The following MMP26 variants were observed in gnomAD, a reference collection of about 807,000 sequenced individuals.
MMP26 encodes the protein matrix metalloproteinase-26.
MMP26 carries 33 observed loss-of-function variants against 31.0 expected under a neutral mutation model. The observed-to-expected ratio is 1.06, with a 90% CI of 0.81 to 1.42. The LOEUF is 1.42. Ranked by LOEUF, MMP26 falls within the 40% of genes most tolerant of loss-of-function variation. The probability of loss-of-function intolerance (pLI) is 0.00; values close to 1 mark genes in which losing one functional copy is unlikely to be tolerated. For synonymous variants in MMP26, 122 were observed against 114.9 expected, an observed-to-expected ratio of 1.06 and a Z score of -0.40; for missense variants, 347 against 316.1, an observed-to-expected ratio of 1.10 and a Z score of -0.74.
At chr11:4,856,305 G>A (rs1306373154) in intron 2 of MMP26, among the ~76,000 whole-genome samples, 3 of 152,194 alleles carry the variant, frequency 2.0e-5, no homozygotes, top group African/African-American at 7.2e-5. Flanking sequence ...AGACCCATCA[G>A]TGTGCTGTAT....
intron 2 of MMP26, among the ~76,000 whole-genome samples, chr11:4,767,617 AAAG>A (rs1269839233): frequency 2.0e-5 from 3 of 152,230 alleles, no homozygotes; most frequent in Non-Finnish European, 4.4e-5. Flanking sequence ...TAAATATTTA[AAAG>A]AATTTTTACC....
intron 2 of MMP26, among the ~76,000 whole-genome samples, chr11:4,778,685 A>G (rs188574116): frequency 7.9e-5 from 12 of 152,190 alleles, no homozygotes; most frequent in Admixed American, 2.0e-4. Context: ...TTACATATAT[A>G]TGCCATTTTT....
intron 1 of MMP26, among the ~76,000 whole-genome samples, chr11:4,731,672 T>A (rs780542468): frequency 6.6e-6 from 1 of 152,276 alleles, no homozygotes; most frequent in Non-Finnish European, 1.5e-5. Context: ...TTTAATGTTC[T>A]ATTACTTAAT....
At chr11:4,911,360 T>C (rs1398009955) in intron 2 of MMP26, among the ~76,000 whole-genome samples, 1 of 152,204 alleles carries the variant, frequency 6.6e-6, no homozygotes. Context: ...AGTTGCAAAA[T>C]GTGCCAGACA....
intron 2 of MMP26, among the ~76,000 whole-genome samples, chr11:4,910,245 TC>T (rs911773049): frequency 1.3e-4 from 20 of 152,180 alleles, no homozygotes; most frequent in Admixed American, 1.1e-3. Flanking sequence ...CATTGCATCT[TC>T]CTGTGACTTT....
At chr11:4,723,707 G>A in intron 1 of MMP26, 1 of 1,010,824 alleles carries the variant, frequency 9.9e-7, no homozygotes, top group South Asian at 1.3e-5. Flanking sequence ...AGCTTCTCCT[G>A]GCCCAGAGTG....
intron 2 of MMP26, among the ~76,000 whole-genome samples, chr11:4,905,288 C>A (rs1356667754): frequency 6.6e-6 from 1 of 152,128 alleles, no homozygotes; most frequent in South Asian, 2.1e-4. Context: ...ATTAATGAGT[C>A]ATGCTCAAAC....
intron 2 of MMP26, chr11:4,795,318 T>C (rs12284164): frequency 0.37 from 56,155 of 151,922 alleles, 11,471 homozygotes; most frequent in African/African-American, 0.52. Flanking sequence ...GGGCTTTAGA[T>C]CCCAATGGTG....
intron 2 of MMP26, among the ~76,000 whole-genome samples, chr11:4,956,087 C>A (rs973124805): frequency 6.6e-6 from 1 of 152,082 alleles, no homozygotes; most frequent in African/African-American, 2.4e-5. Context: ...TTCTTTCTTT[C>A]AGATGTATGT....
At chr11:4,781,372 C>A (rs1415123527) in intron 2 of MMP26, among the ~76,000 whole-genome samples, 1 of 71,946 alleles carries the variant, frequency 1.4e-5, no homozygotes, top group Non-Finnish European at 2.7e-5. Context: ...AAGGTGAAAC[C>A]CCGTCTCTAC....
chr11:4,864,809 A>G (rs1048685983), intron 2 of MMP26, among the ~76,000 whole-genome samples: 5 of 152,156 alleles, frequency 3.3e-5, no homozygotes, highest in Non-Finnish European at 2.9e-5. Context: ...TGCCACCACT[A>G]GAATCAATTT....
intron 2 of MMP26, chr11:4,914,324 G>A (rs1851038908): frequency 6.0e-6 from 1 of 166,886 alleles, no homozygotes; most frequent in Non-Finnish European, 1.3e-5. Context: ...AAACAGTGGT[G>A]GAATGGAGGT....
At chr11:4,863,353 A>G (rs1850190550) in intron 2 of MMP26, among the ~76,000 whole-genome samples, 3 of 151,468 alleles carry the variant, frequency 2.0e-5, no homozygotes, top group Admixed American at 1.3e-4. Context: ...TTCCATCTTT[A>G]TTTTATGCCT....
At chr11:4,896,679 T>C (rs1188731789) in intron 2 of MMP26, among the ~76,000 whole-genome samples, 1 of 152,188 alleles carries the variant, frequency 6.6e-6, no homozygotes, top group East Asian at 1.9e-4. Flanking sequence ...ATCAACGAGG[T>C]GTTTTCCCTT....
rs148170259 is a variant in MMP26 at position 4,914,803 on chromosome 11, G to A, written c.-144-73265G>A. 7.4e-6 allele frequency: 12 copies of A among 1,614,000 alleles called. No individual in the cohort carries two copies. The African/African-American group carries it at 1.5e-4, about 20-fold the overall frequency. On this transcript the variant is annotated intron_variant, in intron 2 of 7. Coordinates refer to ENST00000380390, the MANE Select transcript of MMP26 (RefSeq NM_021801.5). The stretch of plus-strand genomic sequence containing the variant: ...CAATGGGATTCATCACAGGAGGAAA[G>A]AGAAGATACATGAAACCCATGACCA...
rs751370418 is a variant in MMP26 at position 4,769,347 on chromosome 11, A to AT, written c.-145+2007dup. 5.0e-6 allele frequency: 8 copies of AT among 1,613,754 alleles called. No individual in the cohort carries two copies. In the East Asian group the frequency reaches 1.8e-4, roughly 36 times the overall value. On this transcript the variant is annotated intron_variant, in intron 2 of 7. Coordinates refer to ENST00000380390, the MANE Select transcript of MMP26 (RefSeq NM_021801.5). ...ATGCTATTTGCCCGAATGTCTGAAC[A>AT]TGCTAATTGAATCACATCTGGATGG... is the stretch of plus-strand genomic sequence containing the variant.
intron 1 of MMP26, among the ~76,000 whole-genome samples, chr11:4,748,750 G>A (rs73393027): frequency 0.045 from 6,763 of 151,548 alleles, 479 homozygotes; most frequent in African/African-American, 0.16. Flanking sequence ...GCATGAGTTC[G>A]TGAAAAAAAC....
chr11:4,799,661 AG>A (rs1438185907), intron 2 of MMP26, among the ~76,000 whole-genome samples: 1 of 152,188 alleles, frequency 6.6e-6, no homozygotes, highest in Admixed American at 6.5e-5. Context: ...TCCAGCAACA[AG>A]TCCAAAGTCC....
chr11:4,848,976 T>A, intron 2 of MMP26: 1 of 1,613,942 alleles, frequency 6.2e-7, no homozygotes, highest in Non-Finnish European at 8.5e-7. Flanking sequence ...CAATCCAATA[T>A]CAGACACACT....
Sources: gnomAD v4.1 joint callset for allele counts (sites outside exome capture counted in the v4.1 genomes callset) on GRCh38, gnomAD v4.1.1 for gene constraint, MANE v1.5 for transcripts, NCBI Gene and HGNC (gene_info 2026-07-23, HGNC 2026-07-21) for gene names.